PSD3: variants seen among roughly 807,000 people sequenced by gnomAD.
PSD3 encodes pleckstrin and Sec7 domain containing 3.
PSD3 carries 49 observed loss-of-function variants against 105.5 expected under a neutral mutation model. That is an observed-to-expected ratio of 0.46 (90% CI 0.37 to 0.59). The LOEUF is 0.59. Among genes scored for constraint, PSD3 ranks in the 20% least tolerant of loss-of-function variants. The pLI is 0.00. For missense variants in PSD3, 1,561 were observed against 1,263.8 expected (o/e 1.24, Z -3.57); for synonymous variants, 557 against 457.8 (o/e 1.22, Z -2.77).
chr8:18,727,611 A>G (rs1803431855), intron 9 of PSD3, among the ~76,000 whole-genome samples: 5 of 150,218 alleles, frequency 3.3e-5, no homozygotes, highest in South Asian at 2.1e-4. Flanking sequence ...CCTCTTATTC[A>G]TCTTTACCTC....
intron 11 of PSD3, among the ~76,000 whole-genome samples, chr8:18,619,289 T>C (rs1245645098): frequency 1.3e-5 from 2 of 152,098 alleles, no homozygotes; most frequent in Non-Finnish European, 2.9e-5. Flanking sequence ...ACGGTTAAAA[T>C]GCAGATCAAA....
At chr8:18,647,861 G>C (rs1008377702) in intron 10 of PSD3, among the ~76,000 whole-genome samples, 3 of 152,252 alleles carry the variant, frequency 2.0e-5, no homozygotes, top group African/African-American at 7.2e-5. Flanking sequence ...TTGTTTAAAG[G>C]TGTGGGGCAC....
intron 4 of PSD3, among the ~76,000 whole-genome samples, chr8:18,806,770 G>A (rs1421310770): frequency 6.6e-6 from 1 of 152,156 alleles, no homozygotes; most frequent in Admixed American, 6.5e-5. Context: ...CTTTAACTTG[G>A]CTTGCATTAA....
intron 11 of PSD3, among the ~76,000 whole-genome samples, chr8:18,621,874 G>A (rs983692662): frequency 1.3e-4 from 20 of 152,154 alleles, no homozygotes; most frequent in Admixed American, 3.3e-4. Flanking sequence ...TTATAGTGTC[G>A]CTGTTCCCAA....
intron 12 of PSD3, among the ~76,000 whole-genome samples, chr8:18,585,694 T>C (rs1344911734): frequency 6.6e-6 from 1 of 152,138 alleles, no homozygotes; most frequent in East Asian, 1.9e-4. Flanking sequence ...TCATTTCTTA[T>C]AAGAGTCGTC....
At chr8:19,064,574 C>T (rs1013128510) in intron 1 of PSD3, among the ~76,000 whole-genome samples, 13 of 152,098 alleles carry the variant, frequency 8.5e-5, no homozygotes, top group South Asian at 6.2e-4. Flanking sequence ...CTAATAATAC[C>T]GAGATAATCT....
At chr8:18,598,554 A>C (rs892028939) in intron 12 of PSD3, among the ~76,000 whole-genome samples, 4 of 152,160 alleles carry the variant, frequency 2.6e-5, no homozygotes, top group African/African-American at 9.7e-5. Context: ...AAAATTACAC[A>C]AACATCTCAA....
intron 9 of PSD3, among the ~76,000 whole-genome samples, chr8:18,689,366 C>A (rs1436186185): frequency 6.6e-6 from 1 of 152,168 alleles, no homozygotes; most frequent in Non-Finnish European, 1.5e-5. Context: ...TATCAAACGG[C>A]ACCCAGGCAG....
intron 9 of PSD3, among the ~76,000 whole-genome samples, chr8:18,701,974 C>T (rs1327016119): frequency 1.3e-5 from 2 of 152,074 alleles, no homozygotes; most frequent in Non-Finnish European, 2.9e-5. Flanking sequence ...TGTGAAATTA[C>T]ATGAAAGAGC....
At chr8:18,921,270 A>C (rs1821000703) in intron 2 of PSD3, among the ~76,000 whole-genome samples, 1 of 152,204 alleles carries the variant, frequency 6.6e-6, no homozygotes, top group Non-Finnish European at 1.5e-5. Flanking sequence ...GTATTAAATG[A>C]TTCCAAAATG....
rs1197253434 is a variant in PSD3 at position 18,572,665 on chromosome 8, C to T, written c.2647G>A (p.Glu883Lys). 1 of 1,613,836 alleles carries T rather than the reference C, an allele frequency of 6.2e-7. No homozygotes were observed. Among genetic ancestry groups the T allele is most frequent in the East Asian group, 2.2e-5 (1 of 44,874 alleles). Residue 883 changes from glutamate to lysine, a missense_variant, in exon 14 of 16, where the codon GAG becomes AAG. By Grantham distance (56) the Glu-to-Lys change is moderately conservative. Transcript: ENST00000327040. ...TTGTTTATCCACCCTTGCATTTCCT[C>T]TGGGCTCCTATGAGAAATAGATATG... The part of the protein sequence containing the change: ...RVLLFQTQSP[E>K]EMQGWINKIN...
At chr8:18,898,644 A>G (rs907963803) in intron 2 of PSD3, among the ~76,000 whole-genome samples, 2 of 152,222 alleles carry the variant, frequency 1.3e-5, no homozygotes, top group East Asian at 1.9e-4. Context: ...GAATGGACAC[A>G]TATTTTGCAT....
intron 4 of PSD3, among the ~76,000 whole-genome samples, chr8:18,862,998 T>C (rs982108206): frequency 2.0e-5 from 3 of 152,104 alleles, no homozygotes; most frequent in Non-Finnish European, 2.9e-5. Flanking sequence ...GTAATTCACC[T>C]GTTCTGCCAT....
At chr8:18,763,980 A>G (rs2129443498) in intron 9 of PSD3, among the ~76,000 whole-genome samples, 1 of 152,340 alleles carries the variant, frequency 6.6e-6, no homozygotes, top group African/African-American at 2.4e-5. Flanking sequence ...AATTCTTGGT[A>G]GAGGAAGTCA....
intron 14 of PSD3, among the ~76,000 whole-genome samples, chr8:18,570,656 G>A (rs993755684): frequency 4.1e-5 from 6 of 146,848 alleles, no homozygotes; most frequent in African/African-American, 1.5e-4. Context: ...TCAAAAAGTG[G>A]GCGAAGGACA....
chr8:18,801,251 AG>A lies in PSD3; in HGVS notation c.2023+18del. 1 of 1,417,352 alleles carries A rather than the reference AG, an allele frequency of 7.1e-7. No individual in the cohort carries two copies. Among genetic ancestry groups the A allele is most frequent in the Non-Finnish European group, 9.8e-7 (1 of 1,025,080 alleles). 87.8% of individuals were successfully genotyped at this position (1,417,352 alleles called of 1,614,324 possible). A position where few individuals can be genotyped will look rare whatever the true frequency, so the allele number is the denominator to read the frequency against. On this transcript the variant is annotated intron_variant, in intron 7 of 15. Coordinates refer to ENST00000327040, the MANE Select transcript of PSD3 (RefSeq NM_015310.4). ...ACCATTGATATAAAAAAGAAATTCA[AG>A]GATTTGTATCAGATTACCTTGTGAA...
chr8:18,760,705 A>G (rs558149047), intron 9 of PSD3, among the ~76,000 whole-genome samples: 58 of 152,312 alleles, frequency 3.8e-4, no homozygotes, highest in Non-Finnish European at 4.3e-4. Context: ...TACAGAGTGA[A>G]GAGTTTCAGA....
intron 1 of PSD3, among the ~76,000 whole-genome samples, chr8:19,077,529 A>T (rs1051889173): frequency 5.5e-4 from 84 of 152,304 alleles, no homozygotes; most frequent in Non-Finnish European, 5.7e-4. Flanking sequence ...AACTCCATGT[A>T]GCCGTCATTC....
In PSD3 at chr8:18,541,410, T is replaced by G. The variant is rs144608977; in HGVS notation, c.2929-5452A>C. The stretch of plus-strand genomic sequence containing the variant: ...AAGAAAAATAACACGGATACCCACG[T>G]TGATGGCAGATGCCTGATGTGTTCC... On this transcript the variant is annotated intron_variant, in intron 15 of 15. Coordinates refer to ENST00000327040, the MANE Select transcript of PSD3 (RefSeq NM_015310.4). Among the ~76,000 whole-genome samples, 28 of 152,294 alleles carry G rather than the reference T, an allele frequency of 1.8e-4. No individual in the cohort carries two copies. In the East Asian group the frequency reaches 5.4e-3, roughly 29 times the overall value.
Sources: allele counts gnomAD v4.1 joint callset (sites outside exome capture counted in the v4.1 genomes callset), GRCh38; gene constraint gnomAD v4.1.1; transcripts MANE v1.5; gene names NCBI Gene and HGNC (gene_info 2026-07-23, HGNC 2026-07-21).